Variants in TMED10 observed in about 807,000 individuals in gnomAD.
TMED10 encodes the protein transmembrane emp24 domain-containing protein 10.
Under a neutral mutation model 23.1 loss-of-function variants are expected in TMED10, and 7 were observed. The observed-to-expected ratio is 0.30, with a 90% CI of 0.17 to 0.57. The LOEUF (loss-of-function observed/expected upper bound fraction) is 0.57. TMED10 is among the 20% of genes least tolerant of loss of function. TMED10 has a pLI of 0.91. For missense variants in TMED10, 162 were observed against 274.8 expected (o/e 0.59, Z 2.90); for synonymous variants, 113 against 106.9 (o/e 1.06, Z -0.35).
chr14:75,147,562 A>T, intron 3 of TMED10, 102 bp downstream of exon 3: 1 of 1,206,896 alleles, frequency 8.3e-7, no homozygotes, highest in South Asian at 1.2e-5. Context: ...CTAAGAAACC[A>T]CAGCCCTTTG....
In TMED10 at chr14:75,134,860, G is replaced by A. The variant is rs767912356; in HGVS notation, c.*25C>T. On this transcript the variant is annotated 3_prime_UTR_variant, in exon 5 of 5. Coordinates refer to ENST00000303575, the MANE Select transcript of TMED10 (RefSeq NM_006827.6). Reference sequence around the variant, plus strand: ...GATGTTCTGCTGGCTGAGGTACAAGGTGGGAGGAGAATATGCCTCATTCAT... The same window carrying A: ...GATGTTCTGCTGGCTGAGGTACAAGATGGGAGGAGAATATGCCTCATTCAT... 3.1e-6 allele frequency: 5 copies of A among 1,612,992 alleles called. No individual in the cohort carries two copies. The highest frequency in any genetic ancestry group is 2.7e-5 in the African/African-American group (2 of 74,898).
intron 1 of TMED10, among the ~76,000 whole-genome samples, chr14:75,166,587 G>A (rs1236173702): frequency 1.3e-5 from 2 of 152,236 alleles, no homozygotes; most frequent in Non-Finnish European, 2.9e-5. Context: ...AGGGAAGGCT[G>A]TAGACAACTG....
At chr14:75,152,747 T>A (rs1038640499) in intron 1 of TMED10, among the ~76,000 whole-genome samples, 1 of 152,044 alleles carries the variant, frequency 6.6e-6, no homozygotes, top group African/African-American at 2.4e-5. Context: ...AAAAAAGAAG[T>A]TTCTGGCCAG....
At chr14:75,160,012 G>C (rs175423) in intron 1 of TMED10, among the ~76,000 whole-genome samples, 150,289 of 152,296 alleles carry the variant, frequency 0.99, 74,179 homozygotes, top group East Asian at 1. Context: ...CTGGAAGTTC[G>C]CCCAAGGCCT....
intron 1 of TMED10, among the ~76,000 whole-genome samples, chr14:75,174,571 T>C (rs1487874401): frequency 6.6e-6 from 1 of 152,138 alleles, no homozygotes; most frequent in East Asian, 1.9e-4. Context: ...ACTATTTTCC[T>C]GGGTAGAGAG....
chr14:75,151,212 T>TTTG (rs904730426), intron 2 of TMED10, among the ~76,000 whole-genome samples: 1 of 150,382 alleles, frequency 6.6e-6, no homozygotes, highest in East Asian at 2.0e-4. Flanking sequence ...GCCAGTTTTT[T>TTTG]TTGTTGTTGT....
In TMED10 at chr14:75,132,919, G is replaced by A. The variant is rs949508259; in HGVS notation, c.*1966C>T. On this transcript the variant is annotated 3_prime_UTR_variant, in exon 5 of 5. Coordinates refer to ENST00000303575, the MANE Select transcript of TMED10 (RefSeq NM_006827.6). ...CTACTTTCTTGGGAGATGTGGGAAA[G>A]ATTTCAAGTCACAGCATTTTTCATA... The A allele has an allele frequency of 1.3e-5, 2 of 152,416 alleles. No homozygotes were observed. Among genetic ancestry groups the A allele is most frequent in the Admixed American group, 1.3e-4 (2 of 15,288 alleles). The allele number at this position is 152,416 out of a possible 1,614,324, so 9.4% of individuals were successfully genotyped here. A position where few individuals can be genotyped will look rare whatever the true frequency, so the allele number is the denominator to read the frequency against.
chr14:75,134,831 C>T lies in TMED10; in HGVS notation c.*54G>A. The T allele has an allele frequency of 1.2e-6, 2 of 1,609,650 alleles. No individual in the cohort carries two copies. The highest frequency in any genetic ancestry group is 8.5e-7 in the Non-Finnish European group (1 of 1,177,446). ...AGGATGCCTTAGGCCAGGCACGTCC[C>T]AGCGATGTTCTGCTGGCTGAGGTAC... On this transcript the variant is annotated 3_prime_UTR_variant, in exon 5 of 5. Transcript: ENST00000303575.
At chr14:75,158,517 A>G in intron 1 of TMED10, among the ~76,000 whole-genome samples, 1 of 152,038 alleles carries the variant, frequency 6.6e-6, no homozygotes, top group Non-Finnish European at 1.5e-5. Flanking sequence ...TTGTAGAGAC[A>G]GGGTCTCCCT....
chr14:75,145,294 A>T (rs1169130141), intron 3 of TMED10, among the ~76,000 whole-genome samples: 1 of 152,212 alleles, frequency 6.6e-6, no homozygotes, highest in Admixed American at 6.5e-5. Flanking sequence ...GCAAAAGGTC[A>T]GGAAAGATAA....
intron 1 of TMED10, among the ~76,000 whole-genome samples, chr14:75,173,909 T>C (rs146468459): frequency 2.8e-3 from 428 of 152,248 alleles, no homozygotes; most frequent in Admixed American, 6.1e-3. Context: ...TTTTGTATTT[T>C]TAGTAGAGAC....
chr14:75,131,781 G>C lies in TMED10; in HGVS notation c.*3104C>G, dbSNP rs1895687714. ...CATTTACTTTTTAGATAAAACCAAA[G>C]TATAATATCAATTAACTTTTAAACC... is the stretch of plus-strand genomic sequence containing the variant. On this transcript the variant is annotated 3_prime_UTR_variant, in exon 5 of 5. Coordinates refer to ENST00000303575, the MANE Select transcript of TMED10 (RefSeq NM_006827.6). 6.6e-6 allele frequency: 1 copy of C among 152,158 alleles called. No individual in the cohort carries two copies. Among genetic ancestry groups the C allele is most frequent in the African/African-American group, 2.4e-5 (1 of 41,436 alleles). 9.4% of individuals were successfully genotyped at this position (152,158 alleles called of 1,614,324 possible). A position where few individuals can be genotyped will look rare whatever the true frequency, so the allele number is the denominator to read the frequency against.
intron 1 of TMED10, among the ~76,000 whole-genome samples, chr14:75,152,700 C>CA (rs1895969680): frequency 6.6e-6 from 1 of 152,124 alleles, no homozygotes; most frequent in African/African-American, 2.4e-5. Flanking sequence ...TTAATTATGT[C>CA]AACGGCCAGG....
chr14:75,172,416 T>C (rs1014001656), intron 1 of TMED10, among the ~76,000 whole-genome samples: 7 of 152,008 alleles, frequency 4.6e-5, no homozygotes, highest in Admixed American at 4.6e-4. Flanking sequence ...CAAGAGATTC[T>C]CCTGCCTCAG....
At chr14:75,162,754 G>A (rs1954827089) in intron 1 of TMED10, among the ~76,000 whole-genome samples, 1 of 151,980 alleles carries the variant, frequency 6.6e-6, no homozygotes, top group South Asian at 2.1e-4. Context: ...GACAAATCAT[G>A]TTGATATGAT....
At chr14:75,135,136 A>C (rs1895732994) in intron 4 of TMED10, 130 bp from the exon 5 acceptor site, 11 of 1,240,630 alleles carry the variant, frequency 8.9e-6, no homozygotes, top group Non-Finnish European at 1.2e-5. Context: ...GTAGGATTTC[A>C]GATAATTTTT....
chr14:75,145,544 T>C (rs571911983), intron 3 of TMED10, among the ~76,000 whole-genome samples: 3 of 152,302 alleles, frequency 2.0e-5, no homozygotes, highest in South Asian at 4.1e-4. Context: ...CGCCAGCACT[T>C]TGGGAGGCCA....
intron 1 of TMED10, chr14:75,176,062 T>C (rs1441870358): frequency 4.3e-6 from 2 of 468,220 alleles, no homozygotes; most frequent in Non-Finnish European, 7.8e-6. Context: ...TACGGTTCAA[T>C]GTATCTGAGA....
In TMED10 at chr14:75,149,475, C is replaced by G. The variant is rs376423870; in HGVS notation, c.338-1738G>C. Reference sequence around the variant, plus strand: ...ACCAAACAAATTTCTACTGTTTATACCCACTCTGCGATGTTCTGTTATAGC... The same window carrying G: ...ACCAAACAAATTTCTACTGTTTATAGCCACTCTGCGATGTTCTGTTATAGC... On this transcript the variant is annotated intron_variant, in intron 2 of 4. Transcript: ENST00000303575. 1.7e-4 allele frequency among the ~76,000 whole-genome samples: 12 copies of G among 69,172 alleles called. No homozygotes were observed. The East Asian group carries it at 5.5e-3, about 31-fold the overall frequency. The allele number at this position is 69,172 out of a possible 152,430, so 45.4% of individuals were successfully genotyped here. A position where few individuals can be genotyped will look rare whatever the true frequency, so the allele number is the denominator to read the frequency against.
Sources: allele counts gnomAD v4.1 joint callset (sites outside exome capture counted in the v4.1 genomes callset), GRCh38; gene constraint gnomAD v4.1.1; transcripts MANE v1.5; gene names NCBI Gene and HGNC (gene_info 2026-07-23, HGNC 2026-07-21).